The following GSE1 variants were observed in gnomAD, a reference collection of about 807,000 sequenced individuals.
GSE1 encodes the protein Gse1 coiled-coil protein.
In GSE1, 32 loss-of-function variants were observed where a neutral mutation model predicts 112.6. That is an observed-to-expected ratio of 0.28 (90% CI 0.21 to 0.38). The LOEUF is 0.38. Ranked by LOEUF, GSE1 falls within the 10% of genes least tolerant of loss-of-function variation. The pLI, the probability that GSE1 is intolerant of heterozygous loss-of-function variation, is 1.00. For missense variants in GSE1, 2,348 were observed against 1,699.2 expected (o/e 1.38, Z -6.71); for synonymous variants, 1,115 against 735.6 (o/e 1.52, Z -8.35).
At chr16:85,525,546 C>T (rs1268245391) in intron 2 of GSE1, among the ~76,000 whole-genome samples, 1 of 152,224 alleles carries the variant, frequency 6.6e-6, no homozygotes, top group East Asian at 1.9e-4. Flanking sequence ...GTGAATACCT[C>T]ATGGTGTGGG....
At chr16:85,333,515 T>C (rs572929659) in intron 1 of GSE1, among the ~76,000 whole-genome samples, 80 of 152,310 alleles carry the variant, frequency 5.3e-4, no homozygotes, top group African/African-American at 1.9e-3. Flanking sequence ...CCTTAGGGCT[T>C]GGGGGGCCTG....
At chr16:85,194,114 A>G (rs2074881505) in intron 1 of GSE1, among the ~76,000 whole-genome samples, 1 of 152,224 alleles carries the variant, frequency 6.6e-6, no homozygotes, top group African/African-American at 2.4e-5. Flanking sequence ...ACGACGTAGC[A>G]GAGCTTCACT....
intron 1 of GSE1, among the ~76,000 whole-genome samples, chr16:85,614,008 C>G (rs1461435927): frequency 6.6e-6 from 1 of 151,778 alleles, no homozygotes; most frequent in Non-Finnish European, 1.5e-5. Context: ...CCCTGCTTCC[C>G]GAGGAAGGGC....
At chr16:85,555,963 TA>T (rs1483089231), upstream of GSE1, 1 of 984,370 alleles carries the variant, frequency 1.0e-6, no homozygotes, top group Non-Finnish European at 1.2e-6. Context: ...TCCTTTTTTT[TA>T]TTTGCATCTC....
upstream of GSE1, chr16:85,611,578 T>A: frequency 1.5e-6 from 1 of 688,922 alleles, no homozygotes; most frequent in Non-Finnish European, 1.8e-6. Flanking sequence ...TCCGTTTCCC[T>A]TTTCGTTTGT....
chr16:85,391,361 C>T (rs1187045780), intron 2 of GSE1, among the ~76,000 whole-genome samples: 3 of 152,202 alleles, frequency 2.0e-5, no homozygotes, highest in Non-Finnish European at 2.9e-5. Flanking sequence ...CTGTCCCCTG[C>T]GGCTGCCGTA....
chr16:85,495,005 CT>C (rs1272397461), intron 2 of GSE1, among the ~76,000 whole-genome samples: 1 of 150,946 alleles, frequency 6.6e-6, no homozygotes, highest in Non-Finnish European at 1.5e-5. Flanking sequence ...GGGCAGAGCC[CT>C]GCTGGGTCCG....
Position 85,638,897 on chromosome 16 carries a change from C to T in GSE1, c.226+4765C>T, listed in dbSNP as rs557725414. ...TCAATGGCTCTGGGCCGGGAGCCTG[C>T]GGTGGCTTCCTCTGTCCCAGTGGTG... On this transcript the variant is annotated intron_variant, in intron 2 of 15. Transcript: ENST00000253458. 2.8e-4 allele frequency among the ~76,000 whole-genome samples: 43 copies of T among 152,238 alleles called. No homozygotes were observed. In the East Asian group the frequency reaches 4.6e-3, roughly 16 times the overall value.
At chr16:85,328,817 G>T (rs1020977548) in intron 1 of GSE1, among the ~76,000 whole-genome samples, 1 of 50,530 alleles carries the variant, frequency 2.0e-5, no homozygotes, top group Non-Finnish European at 4.2e-5. Context: ...GGGCCTCCCC[G>T]CCCCGGGGCC....
intron 1 of GSE1, among the ~76,000 whole-genome samples, chr16:85,574,255 C>A (rs2046129554): frequency 6.6e-6 from 1 of 152,230 alleles, no homozygotes; most frequent in Non-Finnish European, 1.5e-5. Context: ...CCCCAGAATG[C>A]TTTTCCTCTG....
intron 1 of GSE1, among the ~76,000 whole-genome samples, chr16:85,627,043 C>CTTTTTTTTT (rs1310553127): frequency 7.0e-5 from 2 of 28,672 alleles, no homozygotes; most frequent in African/African-American, 3.5e-4. Flanking sequence ...TTTCTTCTTG[C>CTTTTTTTTT]CTTTTTTTTT....
intron 2 of GSE1, among the ~76,000 whole-genome samples, chr16:85,383,511 A>ACACG (rs1356911069): frequency 1.3e-5 from 2 of 149,722 alleles, no homozygotes; most frequent in African/African-American, 5.0e-5. Context: ...ACACACACAC[A>ACACG]CACACGCACA....
At chr16:85,316,633 A>T (rs903819321) in intron 1 of GSE1, among the ~76,000 whole-genome samples, 2 of 152,212 alleles carry the variant, frequency 1.3e-5, no homozygotes, top group Non-Finnish European at 2.9e-5. Flanking sequence ...CCCTCCACGG[A>T]CCAGGCCACC....
chr16:85,534,735 G>C (rs1225000706), intron 2 of GSE1, among the ~76,000 whole-genome samples: 1 of 152,212 alleles, frequency 6.6e-6, no homozygotes, highest in Non-Finnish European at 1.5e-5. Context: ...GGGGTACTGG[G>C]GTAGTTTTGC....
chr16:85,514,949 C>CTATGAGTGTGCA (rs539394875), intron 2 of GSE1, among the ~76,000 whole-genome samples: 160 of 152,220 alleles, frequency 1.1e-3, no homozygotes, highest in African/African-American at 3.8e-3. Flanking sequence ...GTGTGTTTGC[C>CTATGAGTGTGCA]TATGAGTGTG....
chr16:85,334,016 G>A (rs1412202597), intron 1 of GSE1, among the ~76,000 whole-genome samples: 1 of 152,170 alleles, frequency 6.6e-6, no homozygotes, highest in Non-Finnish European at 1.5e-5. Flanking sequence ...GATCAACACC[G>A]TCTGTCCTCC....
chr16:85,397,534 C>A (rs181202459), intron 2 of GSE1, among the ~76,000 whole-genome samples: 54 of 152,340 alleles, frequency 3.5e-4, no homozygotes, highest in Non-Finnish European at 1.3e-4. Context: ...GTCTGCCCCC[C>A]GCCGCTGCCT....
At chr16:85,199,998 G>A (rs894536912) in intron 1 of GSE1, among the ~76,000 whole-genome samples, 3 of 152,118 alleles carry the variant, frequency 2.0e-5, no homozygotes, top group Non-Finnish European at 2.9e-5. Flanking sequence ...GCCTGACTTT[G>A]CCCTCTTCTC....
chr16:85,180,248 C>G (rs1567592087), intron 1 of GSE1, among the ~76,000 whole-genome samples: 2 of 152,256 alleles, frequency 1.3e-5, no homozygotes, highest in African/African-American at 2.4e-5. Flanking sequence ...GGTTGGTATT[C>G]TGCCCTGCCA....
Sources: gnomAD v4.1 joint callset for allele counts (sites outside exome capture counted in the v4.1 genomes callset) on GRCh38, gnomAD v4.1.1 for gene constraint, MANE v1.5 for transcripts, NCBI Gene and HGNC (gene_info 2026-07-23, HGNC 2026-07-21) for gene names.